TMCO5A: variants seen among roughly 807,000 people sequenced by gnomAD.
The protein encoded by TMCO5A is transmembrane and coiled-coil domains 5A.
TMCO5A carries 34 observed loss-of-function variants against 42.3 expected under a neutral mutation model. That is an observed-to-expected ratio of 0.80 (90% CI 0.61 to 1.07). The LOEUF (loss-of-function observed/expected upper bound fraction) is 1.07, where lower values mean the gene tolerates loss of function less well. Among genes scored for constraint, TMCO5A ranks in the 50% least tolerant of loss-of-function variants. TMCO5A has a pLI of 0.00. For synonymous variants in TMCO5A, 131 were observed against 115.6 expected (o/e 1.13, Z -0.86); for missense variants, 357 against 327.9 (o/e 1.09, Z -0.69).
At chr15:38,010,425 T>TCTCTCACACACACACACACACA in the TMCO5A span, among the ~76,000 whole-genome samples, 1 of 117,442 alleles carries the variant, frequency 8.5e-6, no homozygotes, top group Non-Finnish European at 1.7e-5. Context: ...CAGAGGGAGA[T>TCTCTCACACACACACACACACA]CACACACACA....
chr15:37,996,361 A>C, the TMCO5A span, among the ~76,000 whole-genome samples: 1 of 152,216 alleles, frequency 6.6e-6, no homozygotes, highest in African/African-American at 2.4e-5. Flanking sequence ...AGGGTCACTG[A>C]ATGAAAGAAG....
the TMCO5A span, among the ~76,000 whole-genome samples, chr15:38,005,360 ACAGCCTGAGTACCACAGC>A: frequency 6.8e-6 from 1 of 146,748 alleles, no homozygotes; most frequent in Non-Finnish European, 1.5e-5. Context: ...GTGTTTGAGA[ACAGCCTGAGTACCACAGC>A]AAGACCCCAT....
the TMCO5A span, among the ~76,000 whole-genome samples, chr15:37,989,992 C>T: frequency 1.3e-5 from 2 of 152,056 alleles, no homozygotes; most frequent in Non-Finnish European, 2.9e-5. Flanking sequence ...ACAGCAGATA[C>T]TTTATATTAT....
chr15:37,952,247 G>A (rs1001859585), downstream of TMCO5A, among the ~76,000 whole-genome samples: 2 of 152,036 alleles, frequency 1.3e-5, no homozygotes, highest in African/African-American at 4.8e-5. Flanking sequence ...TCACAGAGTG[G>A]CTAAGGGAGT....
At chr15:37,960,952 A>T (rs1890410096) in intron 11 of TMCO5A, among the ~76,000 whole-genome samples, 1 of 152,048 alleles carries the variant, frequency 6.6e-6, no homozygotes, top group Non-Finnish European at 1.5e-5. Context: ...CCCTTGTCAG[A>T]TGTGTAGATT....
the TMCO5A span, among the ~76,000 whole-genome samples, chr15:37,995,888 T>A: frequency 6.6e-6 from 1 of 151,922 alleles, no homozygotes; most frequent in African/African-American, 2.4e-5. Flanking sequence ...ATTCACTTTA[T>A]CCACACGATG....
Position 37,936,894 on chromosome 15 carries a change from A to G in TMCO5A, c.188A>G (p.Glu63Gly). 1.2e-6 allele frequency: 2 copies of G among 1,612,594 alleles called. No individual in the cohort carries two copies. Among genetic ancestry groups the G allele is most frequent in the Non-Finnish European group, 1.7e-6 (2 of 1,179,174 alleles). Residue 63 changes from glutamate (E) to glycine (G), a missense_variant, in exon 4 of 12, where the codon GAG becomes GGG. Coordinates refer to ENST00000319669, the MANE Select transcript of TMCO5A (RefSeq NM_152453.4). ...ACGCGGGGCCTGGTGGAAGATGAAG[A>G]GTGGGAGAAGGAGAACCGCACCACG... ...IQTRGLVEDE[E>G]WEKENRTTME...
At chr15:38,007,457 C>T in the TMCO5A span, among the ~76,000 whole-genome samples, 1 of 152,198 alleles carries the variant, frequency 6.6e-6, no homozygotes, top group Non-Finnish European at 1.5e-5. Context: ...ACATTAGATA[C>T]ACAGAATATT....
the TMCO5A span, among the ~76,000 whole-genome samples, chr15:38,008,057 G>A: frequency 9.2e-5 from 14 of 151,664 alleles, no homozygotes; most frequent in African/African-American, 1.7e-4. Flanking sequence ...CACCACGCCT[G>A]GCTAATTTTT....
At chr15:37,942,050 G>A in intron 8 of TMCO5A, 141 bp from the exon 9 acceptor site, 2 of 764,652 alleles carry the variant, frequency 2.6e-6, no homozygotes, top group Non-Finnish European at 4.3e-6. Context: ...TAGTAGGGGG[G>A]TGAGTTTTAT....
intron 11 of TMCO5A, among the ~76,000 whole-genome samples, chr15:37,949,609 T>G (rs533195902): frequency 2.0e-5 from 3 of 150,854 alleles, no homozygotes; most frequent in Non-Finnish European, 4.4e-5. Flanking sequence ...AACTGTTCAA[T>G]AAGAACAGCA....
At chr15:38,003,160 A>G in the TMCO5A span, among the ~76,000 whole-genome samples, 3 of 152,018 alleles carry the variant, frequency 2.0e-5, no homozygotes, top group Non-Finnish European at 2.9e-5. Context: ...GAGACCTGAG[A>G]GAATTATCTG....
chr15:37,983,559 G>T, the TMCO5A span, among the ~76,000 whole-genome samples: 17 of 152,112 alleles, frequency 1.1e-4, no homozygotes, highest in African/African-American at 4.1e-4. Flanking sequence ...GAAGAACTAG[G>T]CACCAGAGGG....
chr15:38,036,496 T>TCA, the TMCO5A span, among the ~76,000 whole-genome samples: 1,388 of 63,542 alleles, frequency 0.022, 32 homozygotes, highest in Admixed American at 0.13. Context: ...TCTCTCTCTC[T>TCA]CACACACACA....
the TMCO5A span, among the ~76,000 whole-genome samples, chr15:38,034,408 G>T: frequency 1.3e-5 from 2 of 152,184 alleles, no homozygotes; most frequent in African/African-American, 2.4e-5. Context: ...ATAAGAATTT[G>T]TATACCTGGG....
chr15:38,028,815 C>T, the TMCO5A span, among the ~76,000 whole-genome samples: 2,909 of 152,220 alleles, frequency 0.019, 81 homozygotes, highest in African/African-American at 0.065. Context: ...TGTGCGCCTG[C>T]AAAGGATCTC....
chr15:37,959,509 C>A (rs1438484082), intron 11 of TMCO5A, among the ~76,000 whole-genome samples: 2 of 151,846 alleles, frequency 1.3e-5, no homozygotes, highest in African/African-American at 4.8e-5. Flanking sequence ...TATATCATGA[C>A]CTGGGATGCA....
the TMCO5A span, among the ~76,000 whole-genome samples, chr15:38,029,212 A>C: frequency 6.6e-6 from 1 of 152,114 alleles, no homozygotes; most frequent in Non-Finnish European, 1.5e-5. Flanking sequence ...TGTTTAACAT[A>C]ATTTTAACTC....
chr15:38,010,418 A>C, the TMCO5A span, among the ~76,000 whole-genome samples: 1 of 54,948 alleles, frequency 1.8e-5, no homozygotes, highest in African/African-American at 8.5e-5. Flanking sequence ...AGGGAGGCAG[A>C]GGGAGATCAC....
Sources: gnomAD v4.1 joint callset for allele counts (sites outside exome capture counted in the v4.1 genomes callset) on GRCh38, gnomAD v4.1.1 for gene constraint, MANE v1.5 for transcripts, NCBI Gene and HGNC (gene_info 2026-07-23, HGNC 2026-07-21) for gene names.